ROBO1: variants seen among roughly 807,000 people sequenced by gnomAD.
ROBO1 encodes the protein roundabout homolog 1.
In ROBO1, 149 loss-of-function variants were observed where a neutral mutation model predicts 195.9. The ratio of observed to expected loss-of-function variants is 0.76; its 90% CI spans 0.67 to 0.87. The LOEUF (loss-of-function observed/expected upper bound fraction) is 0.87, where lower values mean the gene tolerates loss of function less well. Ranked by LOEUF, ROBO1 falls within the 40% of genes least tolerant of loss-of-function variation. The pLI is 0.00. For missense variants in ROBO1, 1,933 were observed against 2,068.3 expected, an observed-to-expected ratio of 0.93 and a Z score of 1.27; for synonymous variants, 816 against 733.2, an observed-to-expected ratio of 1.11 and a Z score of -1.82.
intron 2 of ROBO1, among the ~76,000 whole-genome samples, chr3:79,182,926 A>T (rs2081370076): frequency 6.6e-6 from 1 of 151,832 alleles, no homozygotes; most frequent in African/African-American, 2.4e-5. Context: ...ACTAAAATAC[A>T]AAAAATTAGC....
chr3:79,370,250 A>G (rs1307394191), intron 2 of ROBO1, among the ~76,000 whole-genome samples: 1 of 151,216 alleles, frequency 6.6e-6, no homozygotes, highest in Non-Finnish European at 1.5e-5. Context: ...CCTAGTGACT[A>G]GGGAGGCTGA....
chr3:79,431,475 T>C (rs1220691068), intron 2 of ROBO1, among the ~76,000 whole-genome samples: 6 of 152,092 alleles, frequency 3.9e-5, no homozygotes, highest in Non-Finnish European at 7.4e-5. Flanking sequence ...ATAACACTAG[T>C]ATCTTCTGTT....
chr3:79,634,879 A>G (rs965381021), intron 1 of ROBO1, among the ~76,000 whole-genome samples: 1 of 152,198 alleles, frequency 6.6e-6, no homozygotes, highest in African/African-American at 2.4e-5. Flanking sequence ...ACATCAAAAT[A>G]TAACCATTTG....
intron 2 of ROBO1, among the ~76,000 whole-genome samples, chr3:79,548,116 A>C (rs1366139039): frequency 6.6e-6 from 1 of 152,202 alleles, no homozygotes; most frequent in East Asian, 1.9e-4. Context: ...AAGTGTGGCC[A>C]GCAAATCATC....
intron 2 of ROBO1, among the ~76,000 whole-genome samples, chr3:79,458,304 G>A (rs1018641626): frequency 6.6e-6 from 1 of 152,124 alleles, no homozygotes. Context: ...GGGTGTGGCA[G>A]TAAGGCAGGG....
chr3:79,599,465 A>C (rs560188914), intron 1 of ROBO1, among the ~76,000 whole-genome samples: 1 of 152,198 alleles, frequency 6.6e-6, no homozygotes, highest in African/African-American at 2.4e-5. Flanking sequence ...ATGTTATCAA[A>C]ATGATGAAAA....
chr3:79,407,450 T>G (rs1397961706), intron 2 of ROBO1, among the ~76,000 whole-genome samples: 1 of 152,284 alleles, frequency 6.6e-6, no homozygotes, highest in East Asian at 1.9e-4. Context: ...TTTATGACAC[T>G]TGTTGTGTTT....
At position 78,606,695 on chromosome 3, in the gene ROBO1, T is replaced by C. The variant is rs139766713; in HGVS notation, c.4744+38A>G. 9.9e-5 allele frequency: 158 copies of C among 1,593,254 alleles called. 1 individual carries two copies. In the African/African-American group the frequency reaches 1.8e-3, roughly 18 times the overall value. On this transcript the variant is annotated intron_variant, in intron 29 of 30. Coordinates refer to ENST00000464233, the MANE Select transcript of ROBO1 (RefSeq NM_002941.4). ...CTAACTGTATGCCTTGCAAACACACTCAATCTGTATTTATTTGCTGCTTGA... is the reference window on the plus strand; with the variant it reads ...CTAACTGTATGCCTTGCAAACACACCCAATCTGTATTTATTTGCTGCTTGA...
chr3:79,034,850 C>G (rs1245072838), intron 3 of ROBO1, among the ~76,000 whole-genome samples: 1 of 151,966 alleles, frequency 6.6e-6, no homozygotes, highest in Non-Finnish European at 1.5e-5. Flanking sequence ...ACATAAAATC[C>G]AGGATACCAC....
chr3:79,631,643 A>T (rs1945345090), intron 1 of ROBO1, among the ~76,000 whole-genome samples: 1 of 152,108 alleles, frequency 6.6e-6, no homozygotes, highest in African/African-American at 2.4e-5. Context: ...GTGGTACTCA[A>T]TTACTCTAAA....
At position 78,634,033 on chromosome 3, in the gene ROBO1, G is replaced by A; in HGVS notation, c.3383C>T (p.Ala1128Val). Residue 1128 changes from alanine (A) to valine (V), a missense_variant, in exon 24 of 31, where the codon GCA (alanine) becomes GTA (valine). This residue lies in a region of ROBO1 where 1,737 missense variants were observed against 1,882.5 expected (regional missense o/e 0.92). Coordinates refer to ENST00000464233, the MANE Select transcript of ROBO1 (RefSeq NM_002941.4). Reference sequence around the variant, plus strand: ...GATAGTTGGAGGAACTGTGTCATTTGCTCGATAATCTAGACATATCAGATG... The same window carrying A: ...GATAGTTGGAGGAACTGTGTCATTTACTCGATAATCTAGACATATCAGATG... The part of the protein sequence containing the change: ...EQNKLNKDYR[A>V]NDTVPPTIPY... 1.9e-6 allele frequency: 3 copies of A among 1,606,032 alleles called. No individual in the cohort carries two copies. In the South Asian group the frequency reaches 3.3e-5, roughly 18 times the overall value.
intron 2 of ROBO1, among the ~76,000 whole-genome samples, chr3:79,309,619 A>G (rs1246383376): frequency 6.6e-6 from 1 of 152,088 alleles, no homozygotes; most frequent in Non-Finnish European, 1.5e-5. Context: ...AAAAATAAAT[A>G]AATAAATAAA....
chr3:79,725,811 A>G (rs1045584078), intron 1 of ROBO1, among the ~76,000 whole-genome samples: 2 of 152,062 alleles, frequency 1.3e-5, no homozygotes, highest in Non-Finnish European at 2.9e-5. Context: ...GATACTGAAT[A>G]TATGCAGTGC....
chr3:79,521,727 T>C (rs1346135589), intron 2 of ROBO1, among the ~76,000 whole-genome samples: 1 of 152,102 alleles, frequency 6.6e-6, no homozygotes, highest in Non-Finnish European at 1.5e-5. Context: ...GCCATATTTG[T>C]CACCACCCCC....
chr3:78,656,807 C>T (rs1341205453), intron 18 of ROBO1, among the ~76,000 whole-genome samples: 1 of 152,136 alleles, frequency 6.6e-6, no homozygotes, highest in East Asian at 1.9e-4. Flanking sequence ...TGAATATTGA[C>T]AACCTTTTGC....
At chr3:78,836,489 GAC>G (rs1215222536) in intron 4 of ROBO1, among the ~76,000 whole-genome samples, 4 of 121,934 alleles carry the variant, frequency 3.3e-5, no homozygotes, top group Non-Finnish European at 6.4e-5. Flanking sequence ...TCCAGCCTGA[GAC>G]ACAGAGCGAG....
chr3:79,298,708 T>C (rs1009653367), intron 2 of ROBO1, among the ~76,000 whole-genome samples: 5 of 152,092 alleles, frequency 3.3e-5, no homozygotes, highest in African/African-American at 1.2e-4. Flanking sequence ...TTTTAAATAA[T>C]TTAAAATTAA....
At chr3:78,878,578 C>A (rs2035988865) in intron 4 of ROBO1, among the ~76,000 whole-genome samples, 1 of 85,912 alleles carries the variant, frequency 1.2e-5, no homozygotes, top group African/African-American at 5.0e-5. Context: ...AGTGAAACCC[C>A]ATCTCAAAAA....
chr3:78,880,457 T>G (rs2036114487), intron 4 of ROBO1, among the ~76,000 whole-genome samples: 1 of 151,678 alleles, frequency 6.6e-6, no homozygotes, highest in Non-Finnish European at 1.5e-5. Context: ...TAACTTTTTG[T>G]CCTCCCCACA....
Sources: gnomAD v4.1 joint callset for allele counts (sites outside exome capture counted in the v4.1 genomes callset) on GRCh38, gnomAD v4.1.1 for gene constraint, gnomAD v4.1.1 regional missense constraint, MANE v1.5 for transcripts, NCBI Gene and HGNC (gene_info 2026-07-23, HGNC 2026-07-21) for gene names.